MAML2: variants seen among roughly 807,000 people sequenced by gnomAD.
MAML2 encodes mastermind-like protein 2.
A neutral mutation model predicts 96.1 loss-of-function variants in MAML2; 22 were observed. That is an observed-to-expected ratio of 0.23 (90% CI 0.16 to 0.33). The LOEUF (loss-of-function observed/expected upper bound fraction) is 0.33, where lower values mean the gene tolerates loss of function less well. Among genes scored for constraint, MAML2 ranks in the 10% least tolerant of loss-of-function variants. The probability of loss-of-function intolerance (pLI) is 1.00; values close to 1 mark genes in which losing one functional copy is unlikely to be tolerated. For synonymous variants in MAML2, 561 were observed against 521.3 expected (o/e 1.08, Z -1.04); for missense variants, 1,367 against 1,392.4 (o/e 0.98, Z 0.29).
intron 1 of MAML2, among the ~76,000 whole-genome samples, chr11:96,196,538 CTG>C (rs1228115613): frequency 6.6e-6 from 1 of 152,206 alleles, no homozygotes; most frequent in Non-Finnish European, 1.5e-5. Context: ...AAATGCAAAG[CTG>C]TGTGTCTTGC....
At chr11:96,000,187 A>T (rs1858059602) in intron 2 of MAML2, among the ~76,000 whole-genome samples, 1 of 152,204 alleles carries the variant, frequency 6.6e-6, no homozygotes, top group Non-Finnish European at 1.5e-5. Flanking sequence ...AACAATTGTC[A>T]GGAAATCAGC....
intron 1 of MAML2, among the ~76,000 whole-genome samples, chr11:96,244,363 A>G (rs1285155285): frequency 2.0e-5 from 3 of 152,356 alleles, no homozygotes; most frequent in East Asian, 1.9e-4. Flanking sequence ...TTGCAATTCT[A>G]TAAGTAGATA....
chr11:96,074,483 C>G (rs902319474), intron 2 of MAML2, among the ~76,000 whole-genome samples: 4 of 152,212 alleles, frequency 2.6e-5, no homozygotes, highest in African/African-American at 9.7e-5. Context: ...GAAATGCTAT[C>G]AAAAGATTCA....
intron 1 of MAML2, among the ~76,000 whole-genome samples, chr11:96,284,451 T>A (rs1863111881): frequency 6.6e-6 from 1 of 152,246 alleles, no homozygotes; most frequent in African/African-American, 2.4e-5. Context: ...TCTTTCCAAG[T>A]TAACAATAGT....
chr11:96,264,708 T>C (rs989280396), intron 1 of MAML2, among the ~76,000 whole-genome samples: 3 of 152,216 alleles, frequency 2.0e-5, no homozygotes, highest in Non-Finnish European at 2.9e-5. Context: ...TTACAAATTG[T>C]ACTAACTACT....
At chr11:95,997,370 T>C (rs1308907610) in intron 2 of MAML2, among the ~76,000 whole-genome samples, 1 of 152,170 alleles carries the variant, frequency 6.6e-6, no homozygotes, top group African/African-American at 2.4e-5. Context: ...TAGTGTAGCA[T>C]GCCAGTGCTT....
At chr11:96,071,552 C>T (rs1423278155) in intron 2 of MAML2, among the ~76,000 whole-genome samples, 2 of 152,162 alleles carry the variant, frequency 1.3e-5, no homozygotes, top group East Asian at 3.9e-4. Context: ...CTCCCAAATA[C>T]CTGGGGTATA....
intron 1 of MAML2, among the ~76,000 whole-genome samples, chr11:96,234,253 G>A (rs539373281): frequency 5.8e-4 from 88 of 152,240 alleles, no homozygotes; most frequent in African/African-American, 1.3e-3. Context: ...AAGCCAAGGC[G>A]GGCGGGTCAC....
At position 96,053,638 on chromosome 11, in the gene MAML2, C is replaced by T. The variant is rs571492008; in HGVS notation, c.2139+38254G>A. 3.3e-3 allele frequency among the ~76,000 whole-genome samples: 508 copies of T among 152,170 alleles called. 2 individuals carry two copies. The highest frequency in any genetic ancestry group is 4.5e-3 in the Non-Finnish European group (307 of 67,996). On this transcript the variant is annotated intron_variant, in intron 2 of 4. Coordinates refer to ENST00000524717, the MANE Select transcript of MAML2 (RefSeq NM_032427.4). ...GTTAATGGGATGGGGGGGTGACCAA[C>T]ATAACAGAGGATGAATTAGGAGAAA...
chr11:96,216,608 T>C (rs1862053153), intron 1 of MAML2, among the ~76,000 whole-genome samples: 1 of 152,186 alleles, frequency 6.6e-6, no homozygotes, highest in Non-Finnish European at 1.5e-5. Flanking sequence ...CCAGATTACT[T>C]GTAATAAAAT....
Position 96,030,679 on chromosome 11 carries a change from G to C in MAML2, c.2140-38956C>G, listed in dbSNP as rs374404531. Among the ~76,000 whole-genome samples the C allele has an allele frequency of 2.6e-5, 4 of 152,150 alleles. No individual in the cohort carries two copies. In the East Asian group the frequency reaches 7.7e-4, roughly 29 times the overall value. On this transcript the variant is annotated intron_variant, in intron 2 of 4. Coordinates refer to ENST00000524717, the MANE Select transcript of MAML2 (RefSeq NM_032427.4). ...GTAGAGATCATTCAGGTTTTACTGAGTGTTCTATAGTGACCCAGTTCCAGA... is the reference window on the plus strand; with the variant it reads ...GTAGAGATCATTCAGGTTTTACTGACTGTTCTATAGTGACCCAGTTCCAGA...
Position 96,087,733 on chromosome 11 carries a change from T to G in MAML2, c.2139+4159A>C, listed in dbSNP as rs531555665. On this transcript the variant is annotated intron_variant, in intron 2 of 4. Coordinates refer to ENST00000524717, the MANE Select transcript of MAML2 (RefSeq NM_032427.4). The stretch of plus-strand genomic sequence containing the variant: ...TTGGCCCTCCAGGCTCCTGACTTCC[T>G]CTAACCTATTCTAGCCTATGAACCC... Among the ~76,000 whole-genome samples the G allele has an allele frequency of 6.6e-5, 10 of 152,348 alleles. No homozygotes were observed. The South Asian group carries it at 2.1e-3, about 32-fold the overall frequency.
chr11:96,310,635 T>A (rs1458745213), intron 1 of MAML2, among the ~76,000 whole-genome samples: 1 of 152,244 alleles, frequency 6.6e-6, no homozygotes. Flanking sequence ...GTGTCAGTAA[T>A]TTATAACATG....
At chr11:96,149,797 C>T (rs1321244666) in intron 1 of MAML2, among the ~76,000 whole-genome samples, 1 of 152,078 alleles carries the variant, frequency 6.6e-6, no homozygotes, top group Non-Finnish European at 1.5e-5. Context: ...TCTCTGTCTC[C>T]TTCTCTTTGT....
At chr11:96,107,423 T>C (rs959804438) in intron 1 of MAML2, among the ~76,000 whole-genome samples, 1 of 152,212 alleles carries the variant, frequency 6.6e-6, no homozygotes, top group Non-Finnish European at 1.5e-5. Flanking sequence ...ATAAAGTCTG[T>C]AACTCAAAAT....
rs189105904 is a variant in MAML2 at position 96,087,403 on chromosome 11, A to C, written c.2139+4489T>G. Reference sequence around the variant, plus strand: ...ATGGTGAAATATCAAAAATAAAATGAAAATGTAAACATAATGCTCCTGGCC... The same window carrying C: ...ATGGTGAAATATCAAAAATAAAATGCAAATGTAAACATAATGCTCCTGGCC... On this transcript the variant is annotated intron_variant, in intron 2 of 4. Transcript: ENST00000524717. 2.2e-3 allele frequency among the ~76,000 whole-genome samples: 328 copies of C among 152,328 alleles called. 2 individuals carry two copies. Among genetic ancestry groups the C allele is most frequent in the Middle Eastern group, 3.4e-3 (1 of 294 alleles).
At chr11:96,291,190 A>G (rs2135991913) in intron 1 of MAML2, among the ~76,000 whole-genome samples, 1 of 139,776 alleles carries the variant, frequency 7.2e-6, no homozygotes, top group African/African-American at 2.7e-5. Context: ...CAATGGCGCA[A>G]TATCGGTTCA....
At chr11:96,321,199 G>A (rs971953998) in intron 1 of MAML2, among the ~76,000 whole-genome samples, 16 of 152,184 alleles carry the variant, frequency 1.1e-4, no homozygotes, top group African/African-American at 3.9e-4. Context: ...GAGCACAGTT[G>A]CCCTCTTGTA....
chr11:96,107,840 G>A (rs747089983), intron 1 of MAML2, among the ~76,000 whole-genome samples: 1 of 152,188 alleles, frequency 6.6e-6, no homozygotes, highest in South Asian at 2.1e-4. Flanking sequence ...GGTGCCTAGA[G>A]GTAGGGCACC....
Sources: gnomAD v4.1 joint callset for allele counts (sites outside exome capture counted in the v4.1 genomes callset) on GRCh38, gnomAD v4.1.1 for gene constraint, MANE v1.5 for transcripts, NCBI Gene and HGNC (gene_info 2026-07-23, HGNC 2026-07-21) for gene names.